Variants in RABL3 observed in about 807,000 individuals in gnomAD.
The protein encoded by RABL3 is RAB, member of RAS oncogene family like 3, also known as rab-like protein 3.
Under a neutral mutation model 31.8 loss-of-function variants are expected in RABL3, and 31 were observed. That is an observed-to-expected ratio of 0.97 (90% CI 0.73 to 1.31). RABL3 has a LOEUF of 1.31. RABL3 is among the 40% of genes most tolerant of loss of function. RABL3 has a pLI of 0.00. For synonymous variants in RABL3, 97 were observed against 99.9 expected, an observed-to-expected ratio of 0.97 and a Z score of 0.18; for missense variants, 263 against 279.6, an observed-to-expected ratio of 0.94 and a Z score of 0.42.
At chr3:120,727,344 C>T (rs1052026524) in intron 2 of RABL3, among the ~76,000 whole-genome samples, 8 of 151,848 alleles carry the variant, frequency 5.3e-5, no homozygotes, top group South Asian at 2.1e-4. Context: ...AACAGTAAGA[C>T]GGAAAAAATT....
At chr3:120,699,409 T>C (rs183182026) in intron 4 of RABL3, among the ~76,000 whole-genome samples, 33 of 152,334 alleles carry the variant, frequency 2.2e-4, no homozygotes, top group Admixed American at 2.0e-3. Context: ...GTGATGTAAA[T>C]GATACTTCTC....
chr3:120,735,119 G>A (rs1397261422), intron 1 of RABL3, among the ~76,000 whole-genome samples: 1 of 152,192 alleles, frequency 6.6e-6, no homozygotes, highest in Admixed American at 6.5e-5. Context: ...AGAAGGAATG[G>A]TACCAGCTCC....
chr3:120,693,351 C>T (rs1050835389), intron 6 of RABL3, among the ~76,000 whole-genome samples: 3 of 151,934 alleles, frequency 2.0e-5, no homozygotes, highest in Non-Finnish European at 2.9e-5. Flanking sequence ...TATTAAATCC[C>T]TAAATAGTTA....
intron 4 of RABL3, among the ~76,000 whole-genome samples, chr3:120,704,047 T>G (rs1213413219): frequency 1.3e-5 from 2 of 152,182 alleles, no homozygotes; most frequent in African/African-American, 4.8e-5. Context: ...TACTTCCAAT[T>G]AATTCTATGA....
intron 4 of RABL3, among the ~76,000 whole-genome samples, chr3:120,705,057 T>C (rs1708533457): frequency 6.6e-6 from 1 of 152,104 alleles, no homozygotes; most frequent in Non-Finnish European, 1.5e-5. Context: ...AAAAACAATT[T>C]ACAATAGCTT....
chr3:120,712,837 G>A (rs377060726), intron 2 of RABL3, among the ~76,000 whole-genome samples: 4 of 152,148 alleles, frequency 2.6e-5, no homozygotes, highest in African/African-American at 7.2e-5. Flanking sequence ...ATTATTTACC[G>A]AATTCCAGTG....
chr3:120,739,566 T>C (rs1397550567), intron 1 of RABL3, among the ~76,000 whole-genome samples: 1 of 152,192 alleles, frequency 6.6e-6, no homozygotes, highest in East Asian at 1.9e-4. Flanking sequence ...ATGAGCTCTT[T>C]ATCTATTAAA....
chr3:120,728,967 T>C (rs1234270324), intron 2 of RABL3, among the ~76,000 whole-genome samples: 2 of 152,172 alleles, frequency 1.3e-5, no homozygotes, highest in Non-Finnish European at 2.9e-5. Context: ...GGAGTCTTAA[T>C]GCCCATTCAG....
chr3:120,694,564 C>CAG lies in RABL3; in HGVS notation c.535-342_535-341dup, dbSNP rs948182162. ...ACCTACCTACATTTACCCCGAAAAC[C>CAG]AGAGAGAGAGAGCCATGAAAAACAG... is the stretch of plus-strand genomic sequence containing the variant. On this transcript the variant is annotated intron_variant, in intron 5 of 7. Coordinates refer to ENST00000273375, the MANE Select transcript of RABL3 (RefSeq NM_173825.5). Among the ~76,000 whole-genome samples the CAG allele has an allele frequency of 8.6e-5, 13 of 151,784 alleles. No individual in the cohort carries two copies. In the South Asian group the frequency reaches 1.7e-3, roughly 19 times the overall value.
At chr3:120,732,607 A>G (rs1017091773) in intron 1 of RABL3, among the ~76,000 whole-genome samples, 178 of 152,198 alleles carry the variant, frequency 1.2e-3, no homozygotes, top group Middle Eastern at 6.8e-3. Flanking sequence ...GTACATGTGC[A>G]CAATGTGCAG....
intron 1 of RABL3, among the ~76,000 whole-genome samples, chr3:120,735,691 A>C (rs576979157): frequency 1.4e-3 from 211 of 152,202 alleles, no homozygotes; most frequent in Middle Eastern, 6.8e-3. Flanking sequence ...TAGTGCTATA[A>C]ATTTCCCTCT....
chr3:120,712,301 T>C (rs1001319969), intron 2 of RABL3, among the ~76,000 whole-genome samples: 7 of 152,264 alleles, frequency 4.6e-5, no homozygotes, highest in South Asian at 2.1e-4. Flanking sequence ...TTTGGGATAA[T>C]GGAAATTAAT....
chr3:120,722,956 A>G (rs1708766500), intron 2 of RABL3, among the ~76,000 whole-genome samples: 1 of 152,206 alleles, frequency 6.6e-6, no homozygotes, highest in South Asian at 2.1e-4. Flanking sequence ...TCAGAGCAGA[A>G]CTGAAGGAAA....
chr3:120,694,467 T>C (rs1375352247), intron 5 of RABL3, among the ~76,000 whole-genome samples: 1 of 152,114 alleles, frequency 6.6e-6, no homozygotes, highest in South Asian at 2.1e-4. Flanking sequence ...GTATTCATCA[T>C]CAAATAATTC....
intron 6 of RABL3, among the ~76,000 whole-genome samples, chr3:120,691,283 C>G (rs1708377137): frequency 6.6e-6 from 1 of 152,150 alleles, no homozygotes; most frequent in Non-Finnish European, 1.5e-5. Flanking sequence ...AAATTCTGTT[C>G]TGACACTTGA....
rs953698001 is a variant in RABL3, at chr3:120,689,297, T to A, written c.*526A>T. ...AAGGGTTGCTATTATTAGGCATTCC[T>A]GTGTGTGACAATGGTGGAGACAATT... On this transcript the variant is annotated 3_prime_UTR_variant, in exon 8 of 8. Transcript: ENST00000273375. The A allele has an allele frequency of 1.3e-5, 2 of 152,248 alleles. No individual in the cohort carries two copies. The highest frequency in any genetic ancestry group is 1.3e-4 in the Admixed American group (2 of 15,274). 9.4% of individuals were successfully genotyped at this position (152,248 alleles called of 1,614,324 possible).
At chr3:120,718,371 G>C (rs776576793) in intron 2 of RABL3, among the ~76,000 whole-genome samples, 3 of 152,164 alleles carry the variant, frequency 2.0e-5, no homozygotes, top group Non-Finnish European at 4.4e-5. Flanking sequence ...GCCTTCTTTA[G>C]ATGCTCTGGA....
intron 2 of RABL3, among the ~76,000 whole-genome samples, chr3:120,722,871 C>T (rs966342606): frequency 1.4e-4 from 21 of 152,068 alleles, no homozygotes; most frequent in Admixed American, 1.0e-3. Flanking sequence ...GACACCCTAA[C>T]ATCACAATTA....
rs185873270 is a variant in RABL3 at position 120,737,180 on chromosome 3, G to C, written c.46+5282C>G. ...GGTACACCAATCAGACATAGATTTG[G>C]TATTTGCACATAGTCCCATATTTCT... is the stretch of plus-strand genomic sequence containing the variant. On this transcript the variant is annotated intron_variant, in intron 1 of 7. Coordinates refer to ENST00000273375, the MANE Select transcript of RABL3 (RefSeq NM_173825.5). Among the ~76,000 whole-genome samples the C allele has an allele frequency of 1.4e-3, 216 of 152,256 alleles. 2 individuals carry two copies. The highest frequency in any genetic ancestry group is 4.5e-3 in the African/African-American group (187 of 41,552).
Sources: gnomAD v4.1 joint callset for allele counts (sites outside exome capture counted in the v4.1 genomes callset) on GRCh38, gnomAD v4.1.1 for gene constraint, MANE v1.5 for transcripts, NCBI Gene and HGNC (gene_info 2026-07-23, HGNC 2026-07-21) for gene names.